WDR33: variants seen among roughly 807,000 people sequenced by gnomAD.
The protein encoded by WDR33 is WD repeat domain 33.
WDR33 carries 47 observed loss-of-function variants against 164.9 expected under a neutral mutation model. That is an observed-to-expected ratio of 0.29 (90% CI 0.23 to 0.36). WDR33 has a LOEUF of 0.36. Ranked by LOEUF, WDR33 falls within the 10% of genes least tolerant of loss-of-function variation. The pLI is 1.00. For missense variants in WDR33, 1,137 were observed against 1,754.1 expected (o/e 0.65, Z 6.28); for synonymous variants, 505 against 589.0 (o/e 0.86, Z 2.06).
chr2:127,707,250 A>G (rs984981955), intron 21 of WDR33, among the ~76,000 whole-genome samples: 1 of 151,770 alleles, frequency 6.6e-6, no homozygotes. Context: ...AAAAAAGAAA[A>G]AAAAGAAAGG....
intron 7 of WDR33, among the ~76,000 whole-genome samples, chr2:127,734,532 C>T (rs1464309306): frequency 6.6e-6 from 1 of 152,212 alleles, no homozygotes; most frequent in Admixed American, 6.5e-5. Flanking sequence ...TAAACGATTT[C>T]ACTTATTCTA....
chr2:127,772,947 ACTC>A (rs904998055), intron 1 of WDR33, among the ~76,000 whole-genome samples: 26 of 137,794 alleles, frequency 1.9e-4, no homozygotes, highest in African/African-American at 7.2e-4. Flanking sequence ...ACATAGTGAG[ACTC>A]CATCTCTACA....
chr2:127,799,300 AACACTGTCTTCCT>A (rs1689153260), intron 1 of WDR33, among the ~76,000 whole-genome samples: 1 of 152,158 alleles, frequency 6.6e-6, no homozygotes, highest in South Asian at 2.1e-4. Flanking sequence ...AAAAAATCAA[AACACTGTCTTCCT>A]ACACATGACT....
Position 127,761,961 on chromosome 2 carries a change from A to G in WDR33, c.724+1101T>C, listed in dbSNP as rs562179692. Among the ~76,000 whole-genome samples the G allele has an allele frequency of 2.0e-5, 3 of 152,322 alleles. No individual in the cohort carries two copies. The East Asian group carries it at 5.8e-4, about 29-fold the overall frequency. On this transcript the variant is annotated intron_variant, in intron 7 of 21. Transcript: ENST00000322313. ...ACTGGCTTGAAATATGGGCTGAAAT[A>G]CACATTAAAGTATCTCAAGAGTCTT... is the stretch of plus-strand genomic sequence containing the variant.
intron 2 of WDR33, among the ~76,000 whole-genome samples, chr2:127,769,213 C>T (rs1285392268): frequency 6.6e-6 from 1 of 152,128 alleles, no homozygotes; most frequent in Non-Finnish European, 1.5e-5. Flanking sequence ...CTTCCCTCCT[C>T]GAGGTGCCTC....
chr2:127,773,666 G>A (rs1202120803), intron 1 of WDR33, among the ~76,000 whole-genome samples: 1 of 152,178 alleles, frequency 6.6e-6, no homozygotes, highest in Non-Finnish European at 1.5e-5. Context: ...TGTTTACTCA[G>A]TTATTCCATG....
At chr2:127,711,790 T>TTTTTTTTTTTA (rs70985474) in intron 18 of WDR33, among the ~76,000 whole-genome samples, 1 of 109,612 alleles carries the variant, frequency 9.1e-6, no homozygotes, top group Non-Finnish European at 1.9e-5. Flanking sequence ...ATTTTTTTTT[T>TTTTTTTTTTTA]GAGACAGAGT....
chr2:127,706,059 A>C lies in WDR33; in HGVS notation c.*264T>G. The stretch of plus-strand genomic sequence containing the variant: ...TGCCCCATGTCTTGTGAGACTTAAA[A>C]AAAAGAAAAAGATCCCAGCTTTTAT... On this transcript the variant is annotated 3_prime_UTR_variant, in exon 22 of 22. Coordinates refer to ENST00000322313, the MANE Select transcript of WDR33 (RefSeq NM_018383.5). This position sits in a 1 kb window ranked among gnomAD's most constrained non-coding sequence, Gnocchi z 5.1. 2.6e-6 allele frequency: 1 copy of C among 383,588 alleles called. No individual in the cohort carries two copies. Among genetic ancestry groups the C allele is most frequent in the Non-Finnish European group, 4.6e-6 (1 of 216,834 alleles). The allele number at this position is 383,588 out of a possible 1,614,324, so 23.8% of individuals were successfully genotyped here. A position where few individuals can be genotyped will look rare whatever the true frequency, so the allele number is the denominator to read the frequency against.
Position 127,713,727 on chromosome 2 carries a change from G to A in WDR33, c.3164C>T (p.Pro1055Leu), listed in dbSNP as rs768734254. 1.9e-6 allele frequency: 3 copies of A among 1,614,220 alleles called. No individual in the cohort carries two copies. The highest frequency in any genetic ancestry group is 2.2e-5 in the East Asian group (1 of 44,890). ...WRRGGPGPPF[P>L]PDHREFSEGD... ...CTCGCTGAATTCCCTGTGATCAGGG[G>A]GAAACGGAGGCCCAGGGCCCCCTCG... is the stretch of plus-strand genomic sequence containing the variant. Residue 1055 changes from proline (P) to leucine (L), a missense_variant, in exon 18 of 22, where the codon CCC becomes CTC. Coordinates refer to ENST00000322313, the MANE Select transcript of WDR33 (RefSeq NM_018383.5). This position sits in a 1 kb window ranked among gnomAD's most constrained non-coding sequence, Gnocchi z 6.2.
chr2:127,774,283 C>T (rs570396024), intron 1 of WDR33, among the ~76,000 whole-genome samples: 28 of 151,694 alleles, frequency 1.8e-4, no homozygotes, highest in African/African-American at 6.5e-4. Flanking sequence ...AACTTCTGGC[C>T]TCGGATGATC....
intron 1 of WDR33, among the ~76,000 whole-genome samples, chr2:127,792,963 C>G (rs1347393342): frequency 6.6e-6 from 1 of 152,034 alleles, no homozygotes; most frequent in Non-Finnish European, 1.5e-5. Context: ...AGAGATACGT[C>G]AGAAACATTA....
At position 127,701,549 on chromosome 2, in the gene WDR33, G is replaced by A. The variant is rs1221876396; in HGVS notation, c.*4774C>T. 3.0e-6 allele frequency: 4 copies of A among 1,351,948 alleles called. No individual in the cohort carries two copies. In the South Asian group the frequency reaches 5.6e-5, roughly 19 times the overall value. 83.7% of individuals were successfully genotyped at this position (1,351,948 alleles called of 1,614,324 possible). A position where few individuals can be genotyped will look rare whatever the true frequency, so the allele number is the denominator to read the frequency against. ...CCAAGATGGCGGACCTCCACCGCCA[G>A]CTGCAGGAGTACCTGGCGCAGGGGA... On this transcript the variant is annotated 3_prime_UTR_variant, in exon 22 of 22. Coordinates refer to ENST00000322313, the MANE Select transcript of WDR33 (RefSeq NM_018383.5).
rs1686339477 is a variant in WDR33, at chr2:127,718,088, C to G, written c.2761-825G>C. Among the ~76,000 whole-genome samples the G allele has an allele frequency of 6.6e-6, 1 of 152,118 alleles. No individual in the cohort carries two copies. The highest frequency in any genetic ancestry group is 2.4e-5 in the African/African-American group (1 of 41,426). Reference sequence around the variant, plus strand: ...CTTCTGAGAAGTGCTGAATAAAAATCTGGAAATAACTCAGACATCATCAGA... The same window carrying G: ...CTTCTGAGAAGTGCTGAATAAAAATGTGGAAATAACTCAGACATCATCAGA... On this transcript the variant is annotated intron_variant, in intron 16 of 21. Coordinates refer to ENST00000322313, the MANE Select transcript of WDR33 (RefSeq NM_018383.5). This position sits in a 1 kb window ranked among gnomAD's most constrained non-coding sequence, Gnocchi z 4.4.
intron 18 of WDR33, among the ~76,000 whole-genome samples, chr2:127,711,124 A>G (rs1047341500): frequency 6.6e-5 from 10 of 152,246 alleles, no homozygotes; most frequent in Admixed American, 1.3e-4. Context: ...ATGAAACACA[A>G]TACAAATCAA....
intron 7 of WDR33, among the ~76,000 whole-genome samples, chr2:127,750,562 T>C (rs1244901514): frequency 3.4e-5 from 5 of 147,516 alleles, no homozygotes; most frequent in African/African-American, 7.6e-5. Flanking sequence ...CACTTGAGAA[T>C]TGTTTGAACC....
In WDR33 at chr2:127,722,093, C is replaced by T; in HGVS notation, c.1519-105G>A. On this transcript the variant is annotated intron_variant, in intron 14 of 21. Coordinates refer to ENST00000322313, the MANE Select transcript of WDR33 (RefSeq NM_018383.5). The surrounding 1 kb of genome is among the most constrained non-coding windows in gnomAD (Gnocchi z 5.1). ...TCATCTGCTCAATCTAACCTCTGAA[C>T]CGATTTTATTTCTTTTTACCTTTTC... The T allele has an allele frequency of 7.6e-7, 1 of 1,311,220 alleles. No homozygotes were observed. Among genetic ancestry groups the T allele is most frequent in the Non-Finnish European group, 1.0e-6 (1 of 962,896 alleles). 81.2% of individuals were successfully genotyped at this position (1,311,220 alleles called of 1,614,324 possible). A position where few individuals can be genotyped will look rare whatever the true frequency, so the allele number is the denominator to read the frequency against.
chr2:127,800,946 G>T (rs1689215541), intron 1 of WDR33, among the ~76,000 whole-genome samples: 1 of 151,988 alleles, frequency 6.6e-6, no homozygotes, highest in African/African-American at 2.4e-5. Flanking sequence ...TAGCTGTAGT[G>T]ATGGAATATT....
At chr2:127,787,126 T>C (rs547682185) in intron 1 of WDR33, among the ~76,000 whole-genome samples, 1 of 91,708 alleles carries the variant, frequency 1.1e-5, no homozygotes, top group Non-Finnish European at 2.1e-5. Flanking sequence ...TTAATCCATT[T>C]AACCCTGAGT....
intron 7 of WDR33, among the ~76,000 whole-genome samples, chr2:127,750,678 ATATATATATAT>A (rs1168398127): frequency 3.6e-5 from 1 of 27,548 alleles, no homozygotes; most frequent in African/African-American, 2.4e-4. Flanking sequence ...AAAAAAAAAA[ATATATATATAT>A]ATATATATAT....
Sources: allele counts gnomAD v4.1 joint callset (sites outside exome capture counted in the v4.1 genomes callset), GRCh38; gene constraint gnomAD v4.1.1; non-coding constraint Gnocchi (gnomAD v3.1); transcripts MANE v1.5; gene names NCBI Gene and HGNC (gene_info 2026-07-23, HGNC 2026-07-21).